The following ZNF496 variants were observed in gnomAD, a reference collection of about 807,000 sequenced individuals.
The protein encoded by ZNF496 is zinc finger protein 496.
ZNF496 carries 11 observed loss-of-function variants against 58.9 expected under a neutral mutation model. That is an observed-to-expected ratio of 0.19 (90% CI 0.12 to 0.31). The LOEUF (loss-of-function observed/expected upper bound fraction) is 0.31, where lower values mean the gene tolerates loss of function less well. ZNF496 is among the 10% of genes least tolerant of loss of function. The pLI, the probability that ZNF496 is intolerant of heterozygous loss-of-function variation, is 1.00. For synonymous variants in ZNF496, 338 were observed against 318.2 expected, an observed-to-expected ratio of 1.06 and a Z score of -0.66; for missense variants, 660 against 783.0, an observed-to-expected ratio of 0.84 and a Z score of 1.88.
chr1:247,304,168 G>A (rs892191606), intron 9 of ZNF496: 36 of 283,098 alleles, frequency 1.3e-4, no homozygotes, highest in Non-Finnish European at 2.1e-4. Flanking sequence ...TTCAAGAAAA[G>A]GGAAGAATGA....
rs1028648574 is a variant in ZNF496, at chr1:247,309,959, G to A, written c.785-153C>T. ...AAAGGCCAGAGCTGGCAGTGCAGGGGCAGTGGGGGCAGCACACGCAGGGAG... is the reference window on the plus strand; with the variant it reads ...AAAGGCCAGAGCTGGCAGTGCAGGGACAGTGGGGGCAGCACACGCAGGGAG... On this transcript the variant is annotated intron_variant, in intron 7 of 9. Coordinates refer to ENST00000682384, the MANE Select transcript of ZNF496 (RefSeq NM_032752.3). This position sits in a 1 kb window ranked among gnomAD's most constrained non-coding sequence, Gnocchi z 4.3. 8.4e-6 allele frequency: 11 copies of A among 1,302,622 alleles called. No homozygotes were observed. Among genetic ancestry groups the A allele is most frequent in the Non-Finnish European group, 1.1e-5 (11 of 971,552 alleles). The allele number at this position is 1,302,622 out of a possible 1,614,324, so 80.7% of individuals were successfully genotyped here.
chr1:247,331,827 T>A lies in ZNF496; in HGVS notation c.-407A>T, dbSNP rs1459008882. The stretch of plus-strand genomic sequence containing the variant: ...TCCCTGTTGGCGGGCGGCGCAGGCC[T>A]GGCCGCCGCGGGAGCCCGCCGGACG... On this transcript the variant is annotated 5_prime_UTR_variant, in exon 1 of 10. Coordinates refer to ENST00000682384, the MANE Select transcript of ZNF496 (RefSeq NM_032752.3). 1 of 148,198 alleles carries A rather than the reference T, an allele frequency of 6.7e-6. No individual in the cohort carries two copies. Among genetic ancestry groups the A allele is most frequent in the Non-Finnish European group, 1.5e-5 (1 of 66,660 alleles). The allele number at this position is 148,198 out of a possible 1,614,324, so 9.2% of individuals were successfully genotyped here. A position where few individuals can be genotyped will look rare whatever the true frequency, so the allele number is the denominator to read the frequency against.
At chr1:247,317,829 G>GA (rs1490613681) in intron 6 of ZNF496, among the ~76,000 whole-genome samples, 11 of 152,282 alleles carry the variant, frequency 7.2e-5, no homozygotes, top group African/African-American at 2.6e-4. Context: ...TATGCAGGCA[G>GA]AAAATCACTC....
Position 247,325,050 on chromosome 1 carries a change from A to G in ZNF496, c.575-1820T>C, listed in dbSNP as rs146419300. Among the ~76,000 whole-genome samples the G allele has an allele frequency of 1.0e-3, 156 of 152,376 alleles. 1 individual carries two copies. The highest frequency in any genetic ancestry group is 3.7e-3 in the African/African-American group (152 of 41,594). On this transcript the variant is annotated intron_variant, in intron 5 of 9. Coordinates refer to ENST00000682384, the MANE Select transcript of ZNF496 (RefSeq NM_032752.3). The stretch of plus-strand genomic sequence containing the variant: ...AGATTAAGACTTGGAGAGCTGTGCT[A>G]TAGTCTACTGGTTAACCCCAGGTCA...
chr1:247,301,375 CGT>C, intron 9 of ZNF496, 99 bp from the exon 10 acceptor site: 1 of 1,428,434 alleles, frequency 7.0e-7, no homozygotes, highest in Non-Finnish European at 9.2e-7. Context: ...TTTACAAACC[CGT>C]GTTTTTACAA....
chr1:247,306,962 A>C lies in ZNF496; in HGVS notation c.1006+1513T>G, dbSNP rs542229928. 39 of 409,276 alleles carry C rather than the reference A, an allele frequency of 9.5e-5. 1 individual carries two copies. The South Asian group carries it at 3.4e-3, about 35-fold the overall frequency. 25.4% of individuals were successfully genotyped at this position (409,276 alleles called of 1,614,324 possible). ...TGCACAGAATCATGTCATCATGTAA[A>C]TCACTGAATCCTGGTGCAATGTTTA... On this transcript the variant is annotated intron_variant, in intron 9 of 9. Transcript: ENST00000682384.
rs1035626759 is a variant in ZNF496 at position 247,310,329 on chromosome 1, G to C, written c.779C>G (p.Pro260Arg). 1.2e-6 allele frequency: 2 copies of C among 1,614,012 alleles called. No homozygotes were observed. The highest frequency in any genetic ancestry group is 1.7e-6 in the Non-Finnish European group (2 of 1,180,038). ...GGGGGGAAGTTAAGTCTTACTTGGA[G>C]GCATTGAGACCCCGTAATCCTCCCC... ...IIGEDYGVSM[P>R]PNDLAAQPDL... Residue 260 changes from proline to arginine, a missense_variant, in exon 7 of 10, where the codon CCT becomes CGT. Coordinates refer to ENST00000682384, the MANE Select transcript of ZNF496 (RefSeq NM_032752.3).
chr1:247,303,980 C>A (rs867741627), intron 9 of ZNF496: 2 of 312,800 alleles, frequency 6.4e-6, no homozygotes, highest in Non-Finnish European at 6.4e-6. Flanking sequence ...CCTCGTCTGA[C>A]GGCCTGCAAC....
chr1:247,322,759 T>C (rs1254200703), intron 6 of ZNF496: 4 of 1,292,018 alleles, frequency 3.1e-6, no homozygotes, highest in Non-Finnish European at 4.0e-6. Flanking sequence ...TCCTAACATT[T>C]CTAAAATATA....
chr1:247,322,832 T>C (rs1338119836), intron 6 of ZNF496: 2 of 1,298,772 alleles, frequency 1.5e-6, no homozygotes, highest in Non-Finnish European at 2.0e-6. Context: ...CAGAGAGATC[T>C]CCTTTTTCAC....
rs1448195772 is a variant in ZNF496 at position 247,301,153 on chromosome 1, C to T, written c.1130G>A (p.Ser377Asn). ...GAGGCTGCGCTGCTTCTCTGTGGGG[C>T]TCCCCAGCTCTTCTGTGCAGTACGG... is the stretch of plus-strand genomic sequence containing the variant. ...HGPYCTEELG[S>N]PTEKQRSLPA... The change falls in exon 10 of 10, where the codon AGC becomes AAC. Residue 377 changes from serine (S) to asparagine (N), a missense_variant. Physicochemically the swap from Ser to Asn is conservative, Grantham distance 46. Coordinates refer to ENST00000682384, the MANE Select transcript of ZNF496 (RefSeq NM_032752.3). 1.2e-6 allele frequency: 2 copies of T among 1,613,100 alleles called. No individual in the cohort carries two copies. The highest frequency in any genetic ancestry group is 1.7e-6 in the Non-Finnish European group (2 of 1,179,602).
At chr1:247,327,287 C>T (rs1175170648) in intron 5 of ZNF496, among the ~76,000 whole-genome samples, 2 of 152,256 alleles carry the variant, frequency 1.3e-5, no homozygotes, top group African/African-American at 2.4e-5. Context: ...TGGTCTCGAA[C>T]TCCTGACCTC....
intron 5 of ZNF496, 89 bp downstream of exon 5, chr1:247,328,594 C>G (rs1474052510): frequency 7.4e-7 from 1 of 1,354,926 alleles, no homozygotes; most frequent in Non-Finnish European, 9.8e-7. Context: ...ATGTAAAAGC[C>G]ATCAGCTTAA....
rs1659537380 is a variant in ZNF496, at chr1:247,309,901, A to C, written c.785-95T>G. ...GAAGAGAGAAGGCGGAGGGATGCCC[A>C]GCGGGCATGGCACCATCAGGGGCGA... On this transcript the variant is annotated intron_variant, in intron 7 of 9. Transcript: ENST00000682384. This position sits in a 1 kb window ranked among gnomAD's most constrained non-coding sequence, Gnocchi z 4.3. 1 of 1,449,608 alleles carries C rather than the reference A, an allele frequency of 6.9e-7. No individual in the cohort carries two copies. The highest frequency in any genetic ancestry group is 2.0e-5 in the Admixed American group (1 of 49,222). The allele number at this position is 1,449,608 out of a possible 1,614,324, so 89.8% of individuals were successfully genotyped here. A position where few individuals can be genotyped will look rare whatever the true frequency, so the allele number is the denominator to read the frequency against.
rs780917344 is a variant in ZNF496, at chr1:247,308,834, C to T, written c.893-246G>A. On this transcript the variant is annotated intron_variant, in intron 8 of 9. Coordinates refer to ENST00000682384, the MANE Select transcript of ZNF496 (RefSeq NM_032752.3). This position sits in a 1 kb window ranked among gnomAD's most constrained non-coding sequence, Gnocchi z 4.5. ...ATCGACGTAGATCCGGGTTCTACTC[C>T]ACCCACTCTATGGCCAGAGACAAGC... 23 of 459,214 alleles carry T rather than the reference C, an allele frequency of 5.0e-5. No individual in the cohort carries two copies. The highest frequency in any genetic ancestry group is 6.8e-5 in the Non-Finnish European group (17 of 248,750). The allele number at this position is 459,214 out of a possible 1,614,324, so 28.4% of individuals were successfully genotyped here.
intron 6 of ZNF496, among the ~76,000 whole-genome samples, chr1:247,318,274 C>T (rs1390908470): frequency 1.3e-5 from 2 of 152,078 alleles, no homozygotes; most frequent in Non-Finnish European, 2.9e-5. Flanking sequence ...AAACCTGTAT[C>T]CTTAGCAGTC....
Position 247,310,448 on chromosome 1 carries a change from A to T in ZNF496, c.660T>A (p.Val220=). ...VTTLQLPPSR[V]SPFKDMILCF... is the part of the protein sequence containing the mutation. ...ATAAAATCATGTCCTTGAATGGAGAAACCCGACTCTGAAAGCACAGGAGAA... is the reference window on the plus strand; with the variant it reads ...ATAAAATCATGTCCTTGAATGGAGATACCCGACTCTGAAAGCACAGGAGAA... The change falls in exon 7 of 10, where the codon GTT becomes GTA. Residue 220 remains valine (V), a synonymous_variant. Coordinates refer to ENST00000682384, the MANE Select transcript of ZNF496 (RefSeq NM_032752.3). The T allele has an allele frequency of 1.2e-6, 2 of 1,614,174 alleles. No individual in the cohort carries two copies. The highest frequency in any genetic ancestry group is 1.7e-6 in the Non-Finnish European group (2 of 1,180,036).
Position 247,329,444 on chromosome 1 carries a change from G to C in ZNF496, c.135C>G (p.Phe45Leu). ...CCGCCTCCTGGTAGCGGAAACGGCG[G>C]AAGAGACGCCGAGAGGACTCGGGGC... The part of the protein sequence containing the change: ...LPSPESSRRL[F>L]RRFRYQEAAG... Residue 45 changes from phenylalanine to leucine, a missense_variant, in exon 4 of 10, where the codon TTC (phenylalanine) becomes TTG (leucine). Phe to Leu is a conservative substitution (Grantham distance 22, BLOSUM62 0). Coordinates refer to ENST00000682384, the MANE Select transcript of ZNF496 (RefSeq NM_032752.3). The surrounding 1 kb of genome is among the most constrained non-coding windows in gnomAD (Gnocchi z 5.5). The C allele has an allele frequency of 6.2e-7, 1 of 1,612,906 alleles. No individual in the cohort carries two copies. Among genetic ancestry groups the C allele is most frequent in the Non-Finnish European group, 8.5e-7 (1 of 1,179,586 alleles).
In ZNF496 at chr1:247,309,254, C is replaced by T. The variant is rs1467396362; in HGVS notation, c.892+445G>A. On this transcript the variant is annotated intron_variant, in intron 8 of 9. Transcript: ENST00000682384. This position sits in a 1 kb window ranked among gnomAD's most constrained non-coding sequence, Gnocchi z 4.3. ...TGCTGAGCCCCAGCACCTCCCCACACCCCAGTGTCCTCACAGCACCCCTGT... is the reference window on the plus strand; with the variant it reads ...TGCTGAGCCCCAGCACCTCCCCACATCCCAGTGTCCTCACAGCACCCCTGT... The T allele has an allele frequency of 2.4e-6, 1 of 413,592 alleles. No homozygotes were observed. 25.6% of individuals were successfully genotyped at this position (413,592 alleles called of 1,614,324 possible).
Sources: gnomAD v4.1 joint callset for allele counts (sites outside exome capture counted in the v4.1 genomes callset) on GRCh38, gnomAD v4.1.1 for gene constraint, Gnocchi (gnomAD v3.1) non-coding constraint, MANE v1.5 for transcripts, NCBI Gene and HGNC (gene_info 2026-07-23, HGNC 2026-07-21) for gene names.